Variants in ABCA7 observed in about 807,000 individuals in gnomAD.
The protein encoded by ABCA7 is ATP binding cassette subfamily A member 7, also known as phospholipid-transporting ATPase ABCA7.
A neutral mutation model predicts 227.6 loss-of-function variants in ABCA7; 261 were observed. The ratio of observed to expected loss-of-function variants is 1.15; its 90% CI spans 1.04 to 1.27. ABCA7 has a LOEUF of 1.27. ABCA7 is among the 50% of genes most tolerant of loss of function. The pLI is 0.00. For missense variants in ABCA7, 3,331 were observed against 2,924.5 expected (o/e 1.14, Z -3.21); for synonymous variants, 1,488 against 1,279.7 (o/e 1.16, Z -3.47).
In ABCA7 at chr19:1,064,232, G is replaced by T. The variant is rs1248642551; in HGVS notation, c.6023G>T (p.Ser2008Ile). ...MVNGRFRCLG[S>I]PQHLKGRFAA... is the part of the protein sequence containing the mutation. ...AATGGGCGGTTCCGCTGCCTGGGCA[G>T]CCCGCAACATCTCAAGGGCAGGTGA... Residue 2008 changes from serine to isoleucine, a missense_variant, in exon 45 of 47, where the codon AGC becomes ATC. By Grantham distance (142) the Ser-to-Ile change is moderately radical. Transcript: ENST00000263094. The T allele has an allele frequency of 6.4e-7, 1 of 1,566,700 alleles. No individual in the cohort carries two copies. Among genetic ancestry groups the T allele is most frequent in the African/African-American group, 1.4e-5 (1 of 73,762 alleles).
rs1398565749 is a variant in ABCA7 at position 1,042,045 on chromosome 19, G to C, written c.303-19G>C. 4 of 1,587,390 alleles carry C rather than the reference G, an allele frequency of 2.5e-6. No individual in the cohort carries two copies. In the Admixed American group the frequency reaches 6.9e-5, roughly 27 times the overall value. On this transcript the variant is annotated intron_variant, in intron 4 of 46. Transcript: ENST00000263094. The stretch of plus-strand genomic sequence containing the variant: ...AGTGCCGGCCGGAACCCCGCCTCCT[G>C]CCCTCTCTCTGTCCCCAGGGTCTCC...
Position 1,054,703 on chromosome 19 carries a change from A to C in ABCA7, c.3851+9A>C. 1 of 1,611,222 alleles carries C rather than the reference A, an allele frequency of 6.2e-7. No individual in the cohort carries two copies. Among genetic ancestry groups the C allele is most frequent in the Non-Finnish European group, 8.5e-7 (1 of 1,178,188 alleles). On this transcript the variant is annotated intron_variant, in intron 28 of 46. Coordinates refer to ENST00000263094, the MANE Select transcript of ABCA7 (RefSeq NM_019112.4). This position sits in a 1 kb window ranked among gnomAD's most constrained non-coding sequence, Gnocchi z 4.8. The stretch of plus-strand genomic sequence containing the variant: ...CAGGTGTCCTTCTTCAGGTGGGTGC[A>C]GAAGGAAGGGGCTGGTGGCAGGAAG...
chr19:1,040,773 C>G lies in ABCA7; in HGVS notation c.-137-452C>G, dbSNP rs72559407. ...AGCTGGGGTCGTGCCTCCAGCTGGG[C>G]AACTGCCTGTCTCTCTGGGTGCCTG... On this transcript the variant is annotated intron_variant, in intron 1 of 46. Transcript: ENST00000263094. Among the ~76,000 whole-genome samples, 1,064 of 152,302 alleles carry G rather than the reference C, an allele frequency of 7.0e-3. 16 individuals carry two copies. The highest frequency in any genetic ancestry group is 0.024 in the African/African-American group (1,000 of 41,560).
chr19:1,055,794 G>A (rs888343777), intron 30 of ABCA7, 113 bp from the exon 31 acceptor site: 33 of 1,147,566 alleles, frequency 2.9e-5, no homozygotes, highest in South Asian at 7.2e-5. Context: ...GAGCCACCGC[G>A]CCCGGCTTTC....
intron 40 of ABCA7, among the ~76,000 whole-genome samples, chr19:1,060,317 T>C (rs993353345): frequency 3.3e-5 from 5 of 151,816 alleles, no homozygotes; most frequent in African/African-American, 1.2e-4. Context: ...GTTCAAGCGA[T>C]TCTCCAGCCT....
intron 40 of ABCA7, 138 bp downstream of exon 40, chr19:1,059,223 G>T: frequency 3.4e-6 from 2 of 590,812 alleles, no homozygotes; most frequent in Non-Finnish European, 2.6e-6. Context: ...CAATATTTGT[G>T]CTCCTATTTT....
chr19:1,044,630 G>C lies in ABCA7; in HGVS notation c.1101G>C (p.Arg367=), dbSNP rs748838063. 3.1e-6 allele frequency: 5 copies of C among 1,613,144 alleles called. No homozygotes were observed. The East Asian group carries it at 6.7e-5, about 22-fold the overall frequency. The change falls in exon 11 of 47, where the codon CGG becomes CGC. Residue 367 remains arginine (R), a synonymous_variant. Transcript: ENST00000263094. ...EGRRQPRPGG[R]DHMEALRSFL... is the part of the protein sequence containing the mutation. ...GAAGGCAGCCCAGACCTGGAGGCCG[G>C]GACCACATGGAGGCCCTGCGATCCT... is the stretch of plus-strand genomic sequence containing the variant.
intron 21 of ABCA7, 49 bp from the exon 22 acceptor site, chr19:1,051,892 CA>C: frequency 6.3e-7 from 1 of 1,591,002 alleles, no homozygotes. Context: ...CCAGCTCGGG[CA>C]AAGACGCGGC....
chr19:1,055,870 C>G (rs1202201823), intron 30 of ABCA7, 37 bp from the exon 31 acceptor site: 1 of 1,542,604 alleles, frequency 6.5e-7, no homozygotes, highest in Non-Finnish European at 8.8e-7. Flanking sequence ...TGTCCCACAT[C>G]CCTGTCTGCC....
rs1205031551 is a variant in ABCA7 at position 1,063,602 on chromosome 19, G to A, written c.5771G>A (p.Gly1924Asp). The A allele has an allele frequency of 6.2e-7, 1 of 1,611,274 alleles. No homozygotes were observed. The highest frequency in any genetic ancestry group is 1.7e-5 in the Admixed American group (1 of 60,018). ...GLSWYADRPA[G>D]TYSGGNKRKL... is the part of the protein sequence containing the mutation. ...TCATGGTACGCAGACCGGCCTGCAG[G>A]CACCTACAGCGGAGGGAACAAACGC... The change falls in exon 43 of 47, where the codon GGC (glycine) becomes GAC (aspartate). Residue 1924 changes from glycine to aspartate, a missense_variant. Physicochemically the swap from Gly to Asp is moderately conservative, Grantham distance 94. Transcript: ENST00000263094.
rs760777713 is a variant in ABCA7, at chr19:1,053,514, G to C, written c.3406G>C (p.Asp1136His). 1.9e-6 allele frequency: 3 copies of C among 1,569,548 alleles called. No individual in the cohort carries two copies. Among genetic ancestry groups the C allele is most frequent in the African/African-American group, 2.7e-5 (2 of 73,940 alleles). ...GAGGCTCACTGGCTACGGGATCTCCGACACCAGCCTCGAGGAGGTGTGAGG... is the reference window on the plus strand; with the variant it reads ...GAGGCTCACTGGCTACGGGATCTCCCACACCAGCCTCGAGGAGGTGTGAGG... ...ELRLTGYGIS[D>H]TSLEEIFLKV... Residue 1136 changes from aspartate to histidine, a missense_variant, in exon 24 of 47, where the codon GAC becomes CAC. Transcript: ENST00000263094.
rs2042247336 is a variant in ABCA7, at chr19:1,056,309, A to G, written c.4417-21A>G. 5 of 1,610,502 alleles carry G rather than the reference A, an allele frequency of 3.1e-6. No individual in the cohort carries two copies. Among genetic ancestry groups the G allele is most frequent in the Non-Finnish European group, 4.2e-6 (5 of 1,178,774 alleles). The stretch of plus-strand genomic sequence containing the variant: ...GGTCCAACCCCATTGCTCTGACCCT[A>G]TGACCTTGACCCCCACCCAGATCTG... On this transcript the variant is annotated intron_variant, in intron 32 of 46. Transcript: ENST00000263094. The surrounding 1 kb of genome is among the most constrained non-coding windows in gnomAD (Gnocchi z 4.3).
Position 1,046,405 on chromosome 19 carries a change from G to T in ABCA7, c.1621G>T (p.Val541Leu). The change falls in exon 13 of 47, where the codon GTG becomes TTG. Residue 541 changes from valine (V) to leucine (L), a missense_variant and splice_region_variant. Coordinates refer to ENST00000263094, the MANE Select transcript of ABCA7 (RefSeq NM_019112.4). Reference sequence around the variant, plus strand: ...GCCCTATCCGTGCTATGTGGACGACGTGTGAGCTCTGGCACCCCTCCCCGC... The same window carrying T: ...GCCCTATCCGTGCTATGTGGACGACTTGTGAGCTCTGGCACCCCTCCCCGC... The part of the protein sequence containing the change: ...QMPYPCYVDD[V>L]FLRVLSRSLP... 1 of 1,544,284 alleles carries T rather than the reference G, an allele frequency of 6.5e-7. No individual in the cohort carries two copies. Among genetic ancestry groups the T allele is most frequent in the Non-Finnish European group, 8.7e-7 (1 of 1,147,458 alleles).
In ABCA7 at chr19:1,046,403, A is replaced by C; in HGVS notation, c.1619A>C (p.Asp540Ala). Residue 540 changes from aspartate (D) to alanine (A), a missense_variant, in exon 13 of 47, where the codon GAC (aspartate) becomes GCC (alanine). By Grantham distance (126) the Asp-to-Ala change is moderately radical. Transcript: ENST00000263094. Reference protein sequence around the residue: ...QQMPYPCYVDDVFLRVLSRSL... With the variant: ...QQMPYPCYVDAVFLRVLSRSL... ...ATGCCCTATCCGTGCTATGTGGACG[A>C]CGTGTGAGCTCTGGCACCCCTCCCC... 6.5e-7 allele frequency: 1 copy of C among 1,545,392 alleles called. No individual in the cohort carries two copies. Among genetic ancestry groups the C allele is most frequent in the Non-Finnish European group, 8.7e-7 (1 of 1,147,898 alleles).
intron 16 of ABCA7, among the ~76,000 whole-genome samples, chr19:1,048,018 A>C (rs999338301): frequency 6.6e-6 from 1 of 151,590 alleles, no homozygotes; most frequent in African/African-American, 2.4e-5. Flanking sequence ...GTGAGACCTC[A>C]TCAATACAAA....
chr19:1,042,183 A>G lies in ABCA7; in HGVS notation c.415+7A>G, dbSNP rs760624532. 2.5e-6 allele frequency: 4 copies of G among 1,600,556 alleles called. No individual in the cohort carries two copies. The highest frequency in any genetic ancestry group is 1.1e-5 in the South Asian group (1 of 90,936). On this transcript the variant is annotated splice_region_variant and intron_variant, in intron 5 of 46. Coordinates refer to ENST00000263094, the MANE Select transcript of ABCA7 (RefSeq NM_019112.4). ...AGGGCTGCACGCAGCACGGGTGAGGAGGCCGGGGGGCCTCTGGCAGGGCTG... is the reference window on the plus strand; with the variant it reads ...AGGGCTGCACGCAGCACGGGTGAGGGGGCCGGGGGGCCTCTGGCAGGGCTG...
rs777820922 is a variant in ABCA7, at chr19:1,052,274, G to A, written c.3208G>A (p.Gly1070Ser). ...GCAGGAAAAGAAGAATGGCAGCCAG[G>A]GCAGCAGAGTCGGTGAGGGCCGGGG... ...TRQEKKNGSQGSRVGTPQLLA... is the reference protein window; with the variant it reads ...TRQEKKNGSQSSRVGTPQLLA... The change falls in exon 23 of 47, where the codon GGC becomes AGC. Residue 1070 changes from glycine to serine, a missense_variant. Physicochemically the swap from Gly to Ser is moderately conservative, Grantham distance 56 (BLOSUM62 0). Transcript: ENST00000263094. 3 of 1,542,126 alleles carry A rather than the reference G, an allele frequency of 1.9e-6. No individual in the cohort carries two copies. Among genetic ancestry groups the A allele is most frequent in the Non-Finnish European group, 2.6e-6 (3 of 1,145,284 alleles).
At chr19:1,050,759 AAC>A (rs2041511127) in intron 18 of ABCA7, among the ~76,000 whole-genome samples, 160 bp from the exon 19 acceptor site, 2 of 149,894 alleles carry the variant, frequency 1.3e-5, no homozygotes, top group Non-Finnish European at 3.0e-5. Flanking sequence ...CAGCCTGGGC[AAC>A]AGAGTGAAAC....
At position 1,055,339 on chromosome 19, in the gene ABCA7, T is replaced by C; in HGVS notation, c.4193T>C (p.Leu1398Pro). 1 of 1,588,510 alleles carries C rather than the reference T, an allele frequency of 6.3e-7. No individual in the cohort carries two copies. Among genetic ancestry groups the C allele is most frequent in the Non-Finnish European group, 8.5e-7 (1 of 1,169,832 alleles). The change falls in exon 30 of 47, where the codon CTG (leucine) becomes CCG (proline). Residue 1398 changes from leucine (L) to proline (P), a missense_variant. Transcript: ENST00000263094. ...TTCCTGGTCAAGACCTACCCGCGCCTGGTGCGCCAGGGGTGAGCCATGCCC... is the reference window on the plus strand; with the variant it reads ...TTCCTGGTCAAGACCTACCCGCGCCCGGTGCGCCAGGGGTGAGCCATGCCC... ...SDFLVKTYPR[L>P]VRQGLKTKKW...
Sources: gnomAD v4.1 joint callset for allele counts (sites outside exome capture counted in the v4.1 genomes callset) on GRCh38, gnomAD v4.1.1 for gene constraint, Gnocchi (gnomAD v3.1) non-coding constraint, MANE v1.5 for transcripts, NCBI Gene and HGNC (gene_info 2026-07-23, HGNC 2026-07-21) for gene names.